The following DPYD variants were observed in gnomAD, a reference collection of about 807,000 sequenced individuals.
The protein encoded by DPYD is dihydropyrimidine dehydrogenase [NADP(+)].
Under a neutral mutation model 116.2 loss-of-function variants are expected in DPYD, and 109 were observed. The observed-to-expected ratio is 0.94, with a 90% CI of 0.80 to 1.10. DPYD has a LOEUF of 1.10. Among genes scored for constraint, DPYD ranks in the 50% least tolerant of loss-of-function variants. The pLI, the probability that DPYD is intolerant of heterozygous loss-of-function variation, is 0.00. For missense variants in DPYD, 1,302 were observed against 1,254.5 expected, an observed-to-expected ratio of 1.04 and a Z score of -0.57; for synonymous variants, 440 against 432.0, an observed-to-expected ratio of 1.02 and a Z score of -0.23.
intron 18 of DPYD, among the ~76,000 whole-genome samples, chr1:97,256,353 C>T (rs1663464103): frequency 6.6e-6 from 1 of 152,012 alleles, no homozygotes; most frequent in African/African-American, 2.4e-5. Flanking sequence ...GCTGTGTCCC[C>T]CCTCAAATTT....
At chr1:97,323,098 A>AT (rs1302252551) in intron 16 of DPYD, 3 of 149,426 alleles carry the variant, frequency 2.0e-5, no homozygotes, top group Admixed American at 6.7e-5. Flanking sequence ...TTTTTTTACT[A>AT]TTTTTTATAT....
chr1:97,869,474 A>C (rs910206177), intron 2 of DPYD, among the ~76,000 whole-genome samples: 4 of 151,766 alleles, frequency 2.6e-5, no homozygotes, highest in Non-Finnish European at 4.4e-5. Flanking sequence ...TGGTATAAGG[A>C]CCATTTTGAG....
At chr1:97,286,404 T>C (rs1291413209) in intron 18 of DPYD, among the ~76,000 whole-genome samples, 2 of 152,260 alleles carry the variant, frequency 1.3e-5, no homozygotes, top group Admixed American at 1.3e-4. Context: ...TGTCTTGGAG[T>C]TGCTCTTCTC....
At chr1:97,730,513 T>A (rs2101046899) in intron 4 of DPYD, among the ~76,000 whole-genome samples, 1 of 152,248 alleles carries the variant, frequency 6.6e-6, no homozygotes, top group East Asian at 1.9e-4. Flanking sequence ...CGTTAGTCTC[T>A]GCACCTGGCC....
intron 20 of DPYD, among the ~76,000 whole-genome samples, chr1:97,191,717 A>G (rs1035477293): frequency 2.0e-5 from 3 of 152,280 alleles, no homozygotes; most frequent in African/African-American, 7.2e-5. Context: ...AATTTGAGAC[A>G]ATGATTTTAT....
chr1:97,286,487 T>G (rs1337285218), intron 18 of DPYD, among the ~76,000 whole-genome samples: 1 of 151,988 alleles, frequency 6.6e-6, no homozygotes, highest in Non-Finnish European at 1.5e-5. Context: ...ATTGGGGAAG[T>G]TCTCCTGGAT....
chr1:97,647,549 T>C (rs1658339233), intron 8 of DPYD, among the ~76,000 whole-genome samples: 2 of 152,062 alleles, frequency 1.3e-5, no homozygotes, highest in East Asian at 1.9e-4. Context: ...ATCACATATG[T>C]TTTTGAAGGG....
At chr1:97,411,385 C>A (rs1477867594) in intron 14 of DPYD, among the ~76,000 whole-genome samples, 1 of 152,028 alleles carries the variant, frequency 6.6e-6, no homozygotes. Flanking sequence ...CATATTCCAT[C>A]CTCACTACAA....
chr1:97,338,788 C>A (rs1000867589), intron 16 of DPYD, among the ~76,000 whole-genome samples: 7 of 152,054 alleles, frequency 4.6e-5, no homozygotes, highest in African/African-American at 1.7e-4. Flanking sequence ...TACCAGTGCT[C>A]AAGAAAACCT....
intron 8 of DPYD, among the ~76,000 whole-genome samples, chr1:97,626,211 T>G (rs1049239054): frequency 3.3e-5 from 5 of 152,030 alleles, no homozygotes; most frequent in African/African-American, 1.2e-4. Context: ...TTTGTCAGCG[T>G]TTCATTAATG....
At chr1:97,120,469 G>A (rs1385069252) in intron 20 of DPYD, among the ~76,000 whole-genome samples, 1 of 152,108 alleles carries the variant, frequency 6.6e-6, no homozygotes, top group African/African-American at 2.4e-5. Flanking sequence ...GCGGACGACA[G>A]AGCCTCATCG....
chr1:97,799,317 T>C (rs115369766), intron 3 of DPYD, among the ~76,000 whole-genome samples: 4,385 of 152,092 alleles, frequency 0.029, 120 homozygotes, highest in Admixed American at 0.093. Flanking sequence ...AGTTTATTTA[T>C]TGGAGTGGCT....
chr1:97,290,710 T>A (rs1207830287), intron 18 of DPYD, among the ~76,000 whole-genome samples: 2 of 151,834 alleles, frequency 1.3e-5, no homozygotes, highest in African/African-American at 4.8e-5. Context: ...GACTTAAACG[T>A]TAGACCTAAA....
intron 16 of DPYD, among the ~76,000 whole-genome samples, chr1:97,336,336 T>C (rs1057269367): frequency 3.9e-5 from 6 of 152,210 alleles, no homozygotes; most frequent in African/African-American, 7.2e-5. Flanking sequence ...ACTGCAAAGA[T>C]GATTTAAAGA....
intron 2 of DPYD, among the ~76,000 whole-genome samples, chr1:97,832,686 C>G (rs1486215537): frequency 1.3e-5 from 2 of 151,990 alleles, no homozygotes; most frequent in Non-Finnish European, 2.9e-5. Flanking sequence ...AACTAAGCAT[C>G]AAAAAGAACT....
rs186001433 is a variant in DPYD at position 97,833,863 on chromosome 1, T to A, written c.151-5667A>T. On this transcript the variant is annotated intron_variant, in intron 2 of 22. Transcript: ENST00000370192. The stretch of plus-strand genomic sequence containing the variant: ...AAAAGAAAGTCTTTATGGATTTTTT[T>A]AAACTTTTTGGTCATAAGACTCCTA... Among the ~76,000 whole-genome samples, 656 of 152,258 alleles carry A rather than the reference T, an allele frequency of 4.3e-3. 5 individuals carry two copies. Among genetic ancestry groups the A allele is most frequent in the Non-Finnish European group, 7.1e-3 (480 of 67,968 alleles).
chr1:97,463,693 A>C (rs1262113707), intron 13 of DPYD, among the ~76,000 whole-genome samples: 2 of 152,212 alleles, frequency 1.3e-5, no homozygotes, highest in Non-Finnish European at 2.9e-5. Context: ...AATGAAATTC[A>C]GGCTGAGATG....
chr1:97,214,305 T>C (rs1329656657), intron 19 of DPYD, among the ~76,000 whole-genome samples: 2 of 152,200 alleles, frequency 1.3e-5, no homozygotes, highest in Non-Finnish European at 2.9e-5. Context: ...CTCATAGTCA[T>C]ATGAATATAA....
chr1:97,596,532 A>C (rs1319731960), intron 8 of DPYD, among the ~76,000 whole-genome samples: 2 of 152,138 alleles, frequency 1.3e-5, no homozygotes, highest in African/African-American at 4.8e-5. Context: ...CCATAAATGC[A>C]GGGGAAAACA....
Sources: allele counts gnomAD v4.1 joint callset (sites outside exome capture counted in the v4.1 genomes callset), GRCh38; gene constraint gnomAD v4.1.1; transcripts MANE v1.5; gene names NCBI Gene and HGNC (gene_info 2026-07-23, HGNC 2026-07-21).